The following MAPK10 variants were observed in gnomAD, a reference collection of about 807,000 sequenced individuals.
MAPK10 encodes mitogen-activated protein kinase 10.
In MAPK10, 25 loss-of-function variants were observed where a neutral mutation model predicts 59.3. The observed-to-expected ratio is 0.42, with a 90% CI of 0.31 to 0.59. The LOEUF (loss-of-function observed/expected upper bound fraction) is 0.59, where lower values mean the gene tolerates loss of function less well. MAPK10 is among the 20% of genes least tolerant of loss of function. MAPK10 has a pLI of 0.15. For missense variants in MAPK10, 351 were observed against 568.9 expected (o/e 0.62, Z 3.90); for synonymous variants, 190 against 200.5 (o/e 0.95, Z 0.44).
At chr4:86,064,478 T>C in intron 10 of MAPK10, 88 bp from the exon 11 acceptor site, 1 of 1,257,914 alleles carries the variant, frequency 7.9e-7, no homozygotes, top group Non-Finnish European at 1.1e-6. Context: ...AAACAAAGTA[T>C]GGAATAGTAT....
chr4:86,516,669 T>C (rs1359284031), intron 1 of MAPK10, among the ~76,000 whole-genome samples: 1 of 152,182 alleles, frequency 6.6e-6, no homozygotes, highest in Non-Finnish European at 1.5e-5. Context: ...TGTTTGTTTG[T>C]TTGCAGCTAC....
intron 9 of MAPK10, chr4:86,090,885 G>C (rs1288842081): frequency 6.6e-6 from 1 of 152,018 alleles, no homozygotes; most frequent in East Asian, 1.9e-4. Context: ...TGGGACTTAG[G>C]AAACATCTAT....
intron 4 of MAPK10, among the ~76,000 whole-genome samples, chr4:86,145,736 GTCTC>G (rs372346738): frequency 2.0e-5 from 3 of 151,724 alleles, no homozygotes; most frequent in African/African-American, 4.8e-5. Flanking sequence ...TTCTTCTTCT[GTCTC>G]TCTGTCTCAT....
At chr4:86,088,425 A>T (rs945024906) in intron 9 of MAPK10, among the ~76,000 whole-genome samples, 2 of 152,114 alleles carry the variant, frequency 1.3e-5, no homozygotes, top group African/African-American at 4.8e-5. Flanking sequence ...GGCTCAAGTG[A>T]TCCTTCCACT....
intron 1 of MAPK10, among the ~76,000 whole-genome samples, chr4:86,443,084 A>G (rs1474624023): frequency 6.6e-6 from 1 of 152,172 alleles, no homozygotes; most frequent in Non-Finnish European, 1.5e-5. Context: ...CCCCAGCAGG[A>G]AAACCTAAAT....
intron 4 of MAPK10, chr4:86,123,788 A>G (rs1580712206): frequency 6.6e-6 from 1 of 152,212 alleles, no homozygotes; most frequent in East Asian, 1.9e-4. Flanking sequence ...AATGACAGAA[A>G]GCATGCTGTT....
chr4:86,256,726 C>CTTTTTTTTTTTTTTTT (rs1456010502), intron 2 of MAPK10, among the ~76,000 whole-genome samples: 2 of 99,254 alleles, frequency 2.0e-5, no homozygotes, highest in Admixed American at 9.6e-5. Flanking sequence ...TTTTTCTTTT[C>CTTTTTTTTTTTTTTTT]TTTCTTTCTT....
intron 3 of MAPK10, among the ~76,000 whole-genome samples, chr4:86,179,305 A>G (rs2076380683): frequency 6.6e-6 from 1 of 152,164 alleles, no homozygotes; most frequent in Non-Finnish European, 1.5e-5. Flanking sequence ...TTAACCAAGG[A>G]GGTGAAAGAC....
intron 2 of MAPK10, among the ~76,000 whole-genome samples, chr4:86,306,218 G>GA (rs2095565777): frequency 6.6e-6 from 1 of 152,146 alleles, no homozygotes; most frequent in Non-Finnish European, 1.5e-5. Flanking sequence ...AAAACTATAT[G>GA]TTTTAAAATG....
rs535040602 is a variant in MAPK10, at chr4:86,496,886, C to A, written c.-263+97024G>T. On this transcript the variant is annotated intron_variant, in intron 1 of 4. Coordinates refer to the MAPK10 transcript ENST00000502302. ...CAGCTTTATAGATAATCCAGATAAT[C>A]CAGTTCTGCCTCCCATCCTGCAAAT... Among the ~76,000 whole-genome samples, 8 of 152,264 alleles carry A rather than the reference C, an allele frequency of 5.3e-5. No individual in the cohort carries two copies. The East Asian group carries it at 1.4e-3, about 26-fold the overall frequency.
intron 2 of MAPK10, among the ~76,000 whole-genome samples, chr4:86,328,621 A>C (rs1351252460): frequency 6.6e-6 from 1 of 152,230 alleles, no homozygotes; most frequent in Non-Finnish European, 1.5e-5. Context: ...TCAATGATAG[A>C]CTGGACAAAG....
rs2079073501 is a variant in MAPK10, at chr4:86,189,282, A to G, written c.66+5054T>C. Among the ~76,000 whole-genome samples, 13 of 152,322 alleles carry G rather than the reference A, an allele frequency of 8.5e-5. No individual in the cohort carries two copies. The South Asian group carries it at 2.5e-3, about 29-fold the overall frequency. The stretch of plus-strand genomic sequence containing the variant: ...GTAGTTTTTTCTAATTCTGTGAAGA[A>G]TGTCAAAGGTAGTTTGATGGGAATA... On this transcript the variant is annotated intron_variant, in intron 3 of 13. Transcript: ENST00000641462.
chr4:86,422,969 G>C (rs964190769), intron 1 of MAPK10, among the ~76,000 whole-genome samples: 1 of 152,146 alleles, frequency 6.6e-6, no homozygotes, highest in Non-Finnish European at 1.5e-5. Flanking sequence ...ATGGTTGAAA[G>C]GTAAAGTTTA....
chr4:86,517,532 C>T (rs534279116), intron 1 of MAPK10, among the ~76,000 whole-genome samples: 2 of 152,238 alleles, frequency 1.3e-5, no homozygotes, highest in South Asian at 4.1e-4. Context: ...TTCTCGGCCT[C>T]CCAAAGTGCT....
chr4:86,296,802 T>C (rs754873336), intron 2 of MAPK10, among the ~76,000 whole-genome samples: 40 of 152,254 alleles, frequency 2.6e-4, no homozygotes, highest in Non-Finnish European at 4.4e-4. Flanking sequence ...ATTTCTTATA[T>C]TTTATGCATC....
chr4:86,126,185 T>C (rs1419908261), intron 4 of MAPK10, among the ~76,000 whole-genome samples: 2 of 152,080 alleles, frequency 1.3e-5, no homozygotes, highest in Non-Finnish European at 2.9e-5. Flanking sequence ...CTGGAAAATA[T>C]ATTTTAGCTA....
At chr4:86,548,305 A>G (rs1469860962) in intron 1 of MAPK10, among the ~76,000 whole-genome samples, 1 of 152,134 alleles carries the variant, frequency 6.6e-6, no homozygotes, top group East Asian at 1.9e-4. Flanking sequence ...ACCAGAAGGA[A>G]GAAACTCCAA....
At chr4:86,259,740 A>G (rs2093909343) in intron 2 of MAPK10, among the ~76,000 whole-genome samples, 1 of 152,108 alleles carries the variant, frequency 6.6e-6, no homozygotes, top group Non-Finnish European at 1.5e-5. Flanking sequence ...TAATTTTACA[A>G]CATTACCATC....
chr4:86,134,419 T>A lies in MAPK10; in HGVS notation c.236+24879A>T, dbSNP rs1254103844. On this transcript the variant is annotated intron_variant, in intron 4 of 13. Transcript: ENST00000641462. ...TTGAAAATATCTAACTCAAACTCCA[T>A]TAATAGCAATTAATAATCAGATTTT... Among the ~76,000 whole-genome samples, 3 of 152,292 alleles carry A rather than the reference T, an allele frequency of 2.0e-5. 1 individual carries two copies. In the Middle Eastern group the frequency reaches 0.01, roughly 518 times the overall value.
Sources: gnomAD v4.1 joint callset for allele counts (sites outside exome capture counted in the v4.1 genomes callset) on GRCh38, gnomAD v4.1.1 for gene constraint, MANE v1.5 for transcripts, NCBI Gene and HGNC (gene_info 2026-07-23, HGNC 2026-07-21) for gene names.